The following ZMYM4 variants were observed in gnomAD, a reference collection of about 807,000 sequenced individuals.
The protein encoded by ZMYM4 is zinc finger MYM-type containing 4, also known as zinc finger MYM-type protein 4.
A neutral mutation model predicts 183.2 loss-of-function variants in ZMYM4; 31 were observed. The observed-to-expected ratio is 0.17, with a 90% CI of 0.13 to 0.23. The LOEUF is 0.23. Among genes scored for constraint, ZMYM4 ranks in the 10% least tolerant of loss-of-function variants. ZMYM4 has a pLI of 1.00. For missense variants in ZMYM4, 1,273 were observed against 1,840.3 expected (o/e 0.69, Z 5.64); for synonymous variants, 592 against 631.2 (o/e 0.94, Z 0.93).
At chr1:35,415,080 A>G (rs1310136435) in intron 27 of ZMYM4, among the ~76,000 whole-genome samples, 2 of 152,186 alleles carry the variant, frequency 1.3e-5, no homozygotes, top group African/African-American at 4.8e-5. Flanking sequence ...ATGACTATAA[A>G]TAAATTTTAC....
At chr1:35,399,093 G>T in intron 22 of ZMYM4, 50 bp downstream of exon 22, 1 of 1,569,680 alleles carries the variant, frequency 6.4e-7, no homozygotes, top group African/African-American at 1.4e-5. Flanking sequence ...TTAAAAGATC[G>T]GTACAACTCT....
intron 1 of ZMYM4, among the ~76,000 whole-genome samples, chr1:35,301,493 C>T (rs1641275031): frequency 6.6e-6 from 1 of 151,272 alleles, no homozygotes; most frequent in Non-Finnish European, 1.5e-5. Context: ...CTGCAGTGAG[C>T]CAAGGTCATG....
chr1:35,269,017 GA>G lies in ZMYM4; in HGVS notation c.-29del, dbSNP rs1388598903. The G allele has an allele frequency of 2.0e-6, 3 of 1,526,826 alleles. No homozygotes were observed. The highest frequency in any genetic ancestry group is 1.4e-5 in the African/African-American group (1 of 70,468). The allele number at this position is 1,526,826 out of a possible 1,614,324, so 94.6% of individuals were successfully genotyped here. Reference sequence around the variant, plus strand: ...AGAGGTACCGCCGCCACCGCGCGGGGAGCCGCAGCGGTTCCGAGCGGGGCCC... The same window carrying G: ...AGAGGTACCGCCGCCACCGCGCGGGGGCCGCAGCGGTTCCGAGCGGGGCCC... On this transcript the variant is annotated 5_prime_UTR_variant, in exon 1 of 30. Transcript: ENST00000314607.
chr1:35,412,081 C>T (rs924537159), intron 26 of ZMYM4, among the ~76,000 whole-genome samples: 4 of 149,492 alleles, frequency 2.7e-5, no homozygotes, highest in Non-Finnish European at 6.0e-5. Flanking sequence ...TTAGTAGAGA[C>T]AGGGTTTCAC....
chr1:35,379,514 GC>G (rs1644406503), intron 7 of ZMYM4, among the ~76,000 whole-genome samples: 1 of 152,222 alleles, frequency 6.6e-6, no homozygotes, highest in Admixed American at 6.5e-5. Context: ...GGCATTACAG[GC>G]GTGAGCCGCC....
chr1:35,325,335 A>C, intron 1 of ZMYM4, 25 bp from the exon 2 acceptor site: 1 of 1,594,792 alleles, frequency 6.3e-7, no homozygotes, highest in Non-Finnish European at 8.6e-7. Flanking sequence ...TGGTAATGTT[A>C]CTTTTTCCTT....
intron 1 of ZMYM4, among the ~76,000 whole-genome samples, chr1:35,299,032 T>C (rs1296732224): frequency 8.3e-6 from 1 of 121,170 alleles, no homozygotes; most frequent in Non-Finnish European, 1.6e-5. Flanking sequence ...GTTTTGAAAG[T>C]TTTTTTTTTT....
intron 29 of ZMYM4, among the ~76,000 whole-genome samples, chr1:35,418,821 T>A (rs1640223053): frequency 6.6e-6 from 1 of 152,230 alleles, no homozygotes; most frequent in Non-Finnish European, 1.5e-5. Context: ...TTACAACTGT[T>A]GTACAACCTT....
chr1:35,367,361 T>G (rs974520303), intron 5 of ZMYM4, among the ~76,000 whole-genome samples: 1 of 151,956 alleles, frequency 6.6e-6, no homozygotes, highest in Non-Finnish European at 1.5e-5. Context: ...CCTGAGTAGC[T>G]GGGATTACAG....
chr1:35,273,618 T>C (rs1168385337), intron 1 of ZMYM4, among the ~76,000 whole-genome samples: 2 of 152,204 alleles, frequency 1.3e-5, no homozygotes, highest in African/African-American at 2.4e-5. Flanking sequence ...ATATACCTGG[T>C]ATGCTTAAAA....
At chr1:35,335,936 A>G (rs896598284) in intron 2 of ZMYM4, among the ~76,000 whole-genome samples, 5 of 152,210 alleles carry the variant, frequency 3.3e-5, no homozygotes, top group Non-Finnish European at 7.4e-5. Context: ...TCAAAAAAAC[A>G]AAACAAAACA....
At position 35,269,548 on chromosome 1, in the gene ZMYM4, T is replaced by C. The variant is rs187005001; in HGVS notation, c.39+463T>C. On this transcript the variant is annotated intron_variant, in intron 1 of 29. Coordinates refer to ENST00000314607, the MANE Select transcript of ZMYM4 (RefSeq NM_005095.3). The stretch of plus-strand genomic sequence containing the variant: ...TCGCGAATTCATTTTCCTGCCTCCT[T>C]TCCCCTCCCCCCATAGCCGTTATCT... 9.1e-3 allele frequency among the ~76,000 whole-genome samples: 1,388 copies of C among 152,188 alleles called. 9 individuals are homozygous for C. Among genetic ancestry groups the C allele is most frequent in the Non-Finnish European group, 0.015 (1,022 of 67,990 alleles).
At chr1:35,283,863 A>G (rs1209341846) in intron 1 of ZMYM4, among the ~76,000 whole-genome samples, 1 of 152,106 alleles carries the variant, frequency 6.6e-6, no homozygotes, top group Non-Finnish European at 1.5e-5. Context: ...TATATTCTAA[A>G]TATTAAACTC....
chr1:35,415,009 C>G (rs1640056175), intron 27 of ZMYM4, among the ~76,000 whole-genome samples: 1 of 152,156 alleles, frequency 6.6e-6, no homozygotes, highest in Non-Finnish European at 1.5e-5. Context: ...GATCGTGCCA[C>G]TGCACTCCAG....
intron 2 of ZMYM4, among the ~76,000 whole-genome samples, chr1:35,337,954 T>C (rs1265802436): frequency 6.6e-6 from 1 of 152,040 alleles, no homozygotes; most frequent in Non-Finnish European, 1.5e-5. Flanking sequence ...TAAAATAAAA[T>C]AAAAACAATA....
intron 19 of ZMYM4, chr1:35,397,079 T>C: frequency 9.6e-7 from 1 of 1,046,928 alleles, no homozygotes; most frequent in Non-Finnish European, 1.1e-6. Context: ...GAAACAGTTA[T>C]GAGAAAATTG....
At chr1:35,310,789 G>C (rs1260816198) in intron 1 of ZMYM4, among the ~76,000 whole-genome samples, 1 of 152,020 alleles carries the variant, frequency 6.6e-6, no homozygotes, top group Non-Finnish European at 1.5e-5. Flanking sequence ...TGTTGGCCAG[G>C]TTGGTCTCGA....
At chr1:35,278,961 G>A (rs1640011285) in intron 1 of ZMYM4, among the ~76,000 whole-genome samples, 1 of 152,126 alleles carries the variant, frequency 6.6e-6, no homozygotes, top group South Asian at 2.1e-4. Context: ...GAAGAAAATG[G>A]AAAGAATAAA....
At chr1:35,368,072 AC>A (rs1644132413) in intron 5 of ZMYM4, among the ~76,000 whole-genome samples, 1 of 23,010 alleles carries the variant, frequency 4.3e-5, no homozygotes. Context: ...CCCCCCCCCC[AC>A]CCATTTTTTT....
Sources: gnomAD v4.1 joint callset for allele counts (sites outside exome capture counted in the v4.1 genomes callset) on GRCh38, gnomAD v4.1.1 for gene constraint, MANE v1.5 for transcripts, NCBI Gene and HGNC (gene_info 2026-07-23, HGNC 2026-07-21) for gene names.